GAD1: variants seen among roughly 807,000 people sequenced by gnomAD.
GAD1 encodes the protein glutamate decarboxylase 1.
In GAD1, 35 loss-of-function variants were observed where a neutral mutation model predicts 75.2. That is an observed-to-expected ratio of 0.47 (90% CI 0.36 to 0.62). The LOEUF (loss-of-function observed/expected upper bound fraction) is 0.62, where lower values mean the gene tolerates loss of function less well. Among genes scored for constraint, GAD1 ranks in the 20% least tolerant of loss-of-function variants. The pLI, the probability that GAD1 is intolerant of heterozygous loss-of-function variation, is 0.00. For missense variants in GAD1, 490 were observed against 758.5 expected (o/e 0.65, Z 4.16); for synonymous variants, 257 against 271.9 (o/e 0.95, Z 0.54).
intron 2 of GAD1, among the ~76,000 whole-genome samples, chr2:170,821,276 C>A (rs1007534233): frequency 1.3e-5 from 2 of 152,148 alleles, no homozygotes; most frequent in African/African-American, 4.8e-5. Flanking sequence ...ACCCCGAAGG[C>A]AGCAGGTAGA....
At chr2:170,839,474 T>C (rs1337705757) in intron 6 of GAD1, among the ~76,000 whole-genome samples, 3 of 151,812 alleles carry the variant, frequency 2.0e-5, no homozygotes, top group African/African-American at 4.8e-5. Flanking sequence ...ATGAGCCGGG[T>C]GTGGTGGCGG....
chr2:170,854,437 G>A (rs1431531767), intron 14 of GAD1, among the ~76,000 whole-genome samples: 1 of 119,008 alleles, frequency 8.4e-6, no homozygotes, highest in Non-Finnish European at 1.6e-5. Context: ...GTCTCACTCT[G>A]TAGCCCAGGC....
In GAD1 at chr2:170,853,985, T is replaced by G; in HGVS notation, c.1376T>G (p.Val459Gly). 1 of 1,614,098 alleles carries G rather than the reference T, an allele frequency of 6.2e-7. No individual in the cohort carries two copies. Among genetic ancestry groups the G allele is most frequent in the Non-Finnish European group, 8.5e-7 (1 of 1,180,044 alleles). Residue 459 changes from valine to glycine, a missense_variant, in exon 14 of 17, where the codon GTG (valine) becomes GGG (glycine). Physicochemically the swap from Val to Gly is moderately radical, Grantham distance 109 (BLOSUM62 -3). Around this residue, in one of 3 missense-constraint regions of GAD1, gnomAD observed 324 missense variants for 523.9 expected, o/e 0.62. Coordinates refer to ENST00000358196, the MANE Select transcript of GAD1 (RefSeq NM_000817.3). The surrounding 1 kb of genome is among the most constrained non-coding windows in gnomAD (Gnocchi z 4.1). ...AAGGCAATTCAGTGTGGCCGCCACG[T>G]GGATATCTTCAAGTTCTGGCTGATG... ...GDKAIQCGRH[V>G]DIFKFWLMWK...
chr2:170,832,664 G>GCACACACACACACACA (rs3049892), intron 5 of GAD1, among the ~76,000 whole-genome samples: 34 of 78,906 alleles, frequency 4.3e-4, no homozygotes, highest in African/African-American at 1.2e-3. Flanking sequence ...GCGCGCGCGC[G>GCACACACACACACACA]CACACACACA....
intron 15 of GAD1, among the ~76,000 whole-genome samples, chr2:170,857,780 C>T (rs557277516): frequency 6.6e-6 from 1 of 152,196 alleles, no homozygotes; most frequent in African/African-American, 2.4e-5. Flanking sequence ...ATACTGCACA[C>T]AGCAAAGTAT....
At chr2:170,819,433 A>T (rs921542549) in intron 2 of GAD1, among the ~76,000 whole-genome samples, 1 of 152,120 alleles carries the variant, frequency 6.6e-6, no homozygotes, top group Non-Finnish European at 1.5e-5. Flanking sequence ...ATCTGTCAGG[A>T]GGTGACATGT....
intron 5 of GAD1, among the ~76,000 whole-genome samples, chr2:170,833,469 C>A (rs963329828): frequency 3.3e-5 from 5 of 152,178 alleles, no homozygotes; most frequent in African/African-American, 1.2e-4. Flanking sequence ...TAATGGAAAA[C>A]AAATAGTGTT....
intron 3 of GAD1, among the ~76,000 whole-genome samples, chr2:170,824,047 A>G (rs1322684005): frequency 1.3e-5 from 2 of 152,140 alleles, no homozygotes; most frequent in East Asian, 1.9e-4. Flanking sequence ...GAAATAGGGA[A>G]GCCGGAGTTG....
chr2:170,843,627 T>C (rs1702569400), intron 6 of GAD1, among the ~76,000 whole-genome samples: 1 of 152,058 alleles, frequency 6.6e-6, no homozygotes, highest in South Asian at 2.1e-4. Context: ...AGCTTTTTTT[T>C]TTTTTTTTTT....
chr2:170,854,101 A>G, intron 14 of GAD1, 79 bp downstream of exon 14: 1 of 1,417,488 alleles, frequency 7.1e-7, no homozygotes, highest in African/African-American at 1.4e-5. Context: ...GCAAAGATAT[A>G]TCACAGATAA....
chr2:170,842,523 A>T, intron 6 of GAD1: 1 of 1,570,054 alleles, frequency 6.4e-7, no homozygotes, highest in East Asian at 2.2e-5. Flanking sequence ...TACACTTGGC[A>T]GCACAGGCTA....
At chr2:170,828,178 T>TCCCTCTGCTGTCCTCGCCCTC (rs1195426167) in intron 3 of GAD1, among the ~76,000 whole-genome samples, 6 of 72,030 alleles carry the variant, frequency 8.3e-5, no homozygotes, top group East Asian at 4.9e-4. Context: ...CTCGCCCTCC[T>TCCCTCTGCTGTCCTCGCCCTC]CTCTCTGCTG....
At chr2:170,837,189 T>C (rs1434619343) in intron 6 of GAD1, among the ~76,000 whole-genome samples, 1 of 152,220 alleles carries the variant, frequency 6.6e-6, no homozygotes, top group Non-Finnish European at 1.5e-5. Flanking sequence ...AGGTTATGTT[T>C]TGAGGTATGA....
rs961193641 is a variant in GAD1, at chr2:170,822,653, C to T, written c.145+504C>T. On this transcript the variant is annotated intron_variant, in intron 3 of 16. Coordinates refer to ENST00000358196, the MANE Select transcript of GAD1 (RefSeq NM_000817.3). The stretch of plus-strand genomic sequence containing the variant: ...CGCCTACCCCTCACTCGCACCTCCA[C>T]CCGCGCAGTCGGGTCGCATTGAAAG... Among the ~76,000 whole-genome samples, 7 of 152,278 alleles carry T rather than the reference C, an allele frequency of 4.6e-5. No homozygotes were observed. In the East Asian group the frequency reaches 1.3e-3, roughly 29 times the overall value.
rs549527078 is a variant in GAD1, at chr2:170,848,765, A to G, written c.1120-521A>G. 1.5e-5 allele frequency: 8 copies of G among 519,060 alleles called. No individual in the cohort carries two copies. The East Asian group carries it at 3.8e-4, about 25-fold the overall frequency. 32.2% of individuals were successfully genotyped at this position (519,060 alleles called of 1,614,324 possible). A position where few individuals can be genotyped will look rare whatever the true frequency, so the allele number is the denominator to read the frequency against. ...ACTAACAAAGGCTGTGTCACGTGGCATCCCAACTATTCAGTAAACATGCAT... is the reference window on the plus strand; with the variant it reads ...ACTAACAAAGGCTGTGTCACGTGGCGTCCCAACTATTCAGTAAACATGCAT... On this transcript the variant is annotated intron_variant, in intron 11 of 16. Coordinates refer to ENST00000358196, the MANE Select transcript of GAD1 (RefSeq NM_000817.3).
rs1366556828 is a variant in GAD1 at position 170,853,106 on chromosome 2, A to C, written c.1263+314A>C. On this transcript the variant is annotated intron_variant, in intron 13 of 16. Coordinates refer to ENST00000358196, the MANE Select transcript of GAD1 (RefSeq NM_000817.3). This position sits in a 1 kb window ranked among gnomAD's most constrained non-coding sequence, Gnocchi z 4.1. Reference sequence around the variant, plus strand: ...GTGGGAGCAAGTAGGTGAGGCATCCAATCAGTTTTGTCCTCAGTGAGGACA... The same window carrying C: ...GTGGGAGCAAGTAGGTGAGGCATCCCATCAGTTTTGTCCTCAGTGAGGACA... The C allele has an allele frequency of 4.6e-6, 2 of 433,136 alleles. No homozygotes were observed. The highest frequency in any genetic ancestry group is 4.8e-5 in the East Asian group (1 of 20,726). The allele number at this position is 433,136 out of a possible 1,614,324, so 26.8% of individuals were successfully genotyped here.
chr2:170,827,590 A>G (rs1263495086), intron 3 of GAD1, among the ~76,000 whole-genome samples: 1 of 152,198 alleles, frequency 6.6e-6, no homozygotes, highest in Non-Finnish European at 1.5e-5. Flanking sequence ...CACCTTGGGC[A>G]GGAGAACTTT....
chr2:170,836,058 G>A (rs1043186203), intron 5 of GAD1, among the ~76,000 whole-genome samples: 2 of 151,922 alleles, frequency 1.3e-5, no homozygotes, highest in African/African-American at 2.4e-5. Context: ...AGAGAGGAGA[G>A]TTAGACCAGG....
rs948350721 is a variant in GAD1, at chr2:170,822,454, C to A, written c.145+305C>A. Among the ~76,000 whole-genome samples the A allele has an allele frequency of 2.5e-4, 38 of 152,230 alleles. 1 individual carries two copies. On this transcript the variant is annotated intron_variant, in intron 3 of 16. Coordinates refer to ENST00000358196, the MANE Select transcript of GAD1 (RefSeq NM_000817.3). Reference sequence around the variant, plus strand: ...AGGAAAGCGCCCCCGCGCGGCAACCCCGCCTTCCTAGCCCTGCGCGCAAGC... The same window carrying A: ...AGGAAAGCGCCCCCGCGCGGCAACCACGCCTTCCTAGCCCTGCGCGCAAGC...
Sources: allele counts gnomAD v4.1 joint callset (sites outside exome capture counted in the v4.1 genomes callset), GRCh38; gene constraint gnomAD v4.1.1; regional missense constraint gnomAD v4.1.1; non-coding constraint Gnocchi (gnomAD v3.1); transcripts MANE v1.5; gene names NCBI Gene and HGNC (gene_info 2026-07-23, HGNC 2026-07-21).